The following CACHD1 variants were observed in gnomAD, a reference collection of about 807,000 sequenced individuals.
CACHD1 encodes VWFA and cache domain-containing protein 1.
Under a neutral mutation model 138.7 loss-of-function variants are expected in CACHD1, and 71 were observed. The ratio of observed to expected loss-of-function variants is 0.51; its 90% CI spans 0.42 to 0.62. The LOEUF is 0.62. CACHD1 is among the 20% of genes least tolerant of loss of function. The pLI is 0.00. For missense variants in CACHD1, 1,389 were observed against 1,625.3 expected (o/e 0.85, Z 2.50); for synonymous variants, 578 against 591.5 (o/e 0.98, Z 0.33).
intron 2 of CACHD1, among the ~76,000 whole-genome samples, chr1:64,565,994 G>C (rs543700930): frequency 1.3e-5 from 2 of 152,202 alleles, no homozygotes; most frequent in South Asian, 4.1e-4. Context: ...ACATAACTTG[G>C]CTGGTTCCCT....
intron 1 of CACHD1, among the ~76,000 whole-genome samples, chr1:64,522,456 T>C (rs896818160): frequency 1.3e-5 from 2 of 152,056 alleles, no homozygotes; most frequent in Non-Finnish European, 2.9e-5. Flanking sequence ...TACAGGCACA[T>C]GCAACCACGA....
At chr1:64,629,219 T>G in intron 4 of CACHD1, 136 bp from the exon 5 acceptor site, 1 of 952,000 alleles carries the variant, frequency 1.1e-6, no homozygotes, top group Non-Finnish European at 1.5e-6. Flanking sequence ...AAATGTTTCA[T>G]AGAAAATTTA....
chr1:64,599,735 A>G (rs1159049554), intron 3 of CACHD1, among the ~76,000 whole-genome samples: 4 of 152,184 alleles, frequency 2.6e-5, no homozygotes, highest in Non-Finnish European at 5.9e-5. Context: ...AGGAAGTAAA[A>G]CAACCTATAA....
At chr1:64,577,119 A>AT (rs1250679417) in intron 2 of CACHD1, among the ~76,000 whole-genome samples, 1 of 151,730 alleles carries the variant, frequency 6.6e-6, no homozygotes, top group Admixed American at 6.6e-5. Flanking sequence ...AATTTTTTGT[A>AT]TTTTTTGGAA....
chr1:64,536,266 T>C (rs1570343888), intron 1 of CACHD1, among the ~76,000 whole-genome samples: 1 of 152,174 alleles, frequency 6.6e-6, no homozygotes, highest in Non-Finnish European at 1.5e-5. Flanking sequence ...ATTTAAACAA[T>C]ATGCCTTCAA....
At chr1:64,500,170 T>A (rs569025075) in intron 1 of CACHD1, among the ~76,000 whole-genome samples, 2 of 152,322 alleles carry the variant, frequency 1.3e-5, no homozygotes, top group Admixed American at 1.3e-4. Flanking sequence ...GGCTGGGTAA[T>A]GACACAGGTT....
At chr1:64,483,681 CAAA>C (rs10537125) in intron 1 of CACHD1, among the ~76,000 whole-genome samples, 2,018 of 58,178 alleles carry the variant, frequency 0.035, 40 homozygotes, top group African/African-American at 0.092. Flanking sequence ...CTGTCTCTAC[CAAA>C]AAAAAAAAAA....
chr1:64,673,652 T>C (rs546530128), intron 19 of CACHD1, among the ~76,000 whole-genome samples, 188 bp downstream of exon 19: 3 of 152,260 alleles, frequency 2.0e-5, no homozygotes, highest in African/African-American at 4.8e-5. Context: ...AAGCTCAGAG[T>C]AGAAAAGTAA....
intron 2 of CACHD1, among the ~76,000 whole-genome samples, chr1:64,570,797 C>G (rs542917366): frequency 6.8e-6 from 1 of 147,998 alleles, no homozygotes; most frequent in East Asian, 2.1e-4. Flanking sequence ...TTGTTTCTAG[C>G]AAGTCTTAAT....
intron 4 of CACHD1, among the ~76,000 whole-genome samples, chr1:64,623,592 C>G (rs891686546): frequency 2.6e-5 from 4 of 152,168 alleles, no homozygotes; most frequent in African/African-American, 9.6e-5. Flanking sequence ...ATAGATCTTG[C>G]CCTCGAGGAT....
intron 2 of CACHD1, 110 bp from the exon 3 acceptor site, chr1:64,582,046 T>G (rs1372632416): frequency 6.3e-6 from 8 of 1,268,512 alleles, no homozygotes; most frequent in Non-Finnish European, 8.7e-6. Context: ...TTGTTTTACT[T>G]GAATTTTAAT....
chr1:64,634,340 A>C, intron 7 of CACHD1, 80 bp downstream of exon 7: 1 of 857,478 alleles, frequency 1.2e-6, no homozygotes, highest in Non-Finnish European at 1.9e-6. Flanking sequence ...TGATCACACA[A>C]TGATGTTTAG....
At chr1:64,543,427 T>TATATATATATATATATATATATA (rs1646693613) in intron 1 of CACHD1, among the ~76,000 whole-genome samples, 1 of 68,394 alleles carries the variant, frequency 1.5e-5, no homozygotes, top group African/African-American at 6.6e-5. Flanking sequence ...ATATATATAT[T>TATATATATATATATATATATATA]TAAATTAGCC....
chr1:64,593,793 G>T (rs1647126832), intron 3 of CACHD1, among the ~76,000 whole-genome samples: 1 of 152,136 alleles, frequency 6.6e-6, no homozygotes, highest in Admixed American at 6.5e-5. Context: ...AGAAAGCTTT[G>T]TATTTATGAA....
At chr1:64,620,865 A>C (rs142369060) in intron 4 of CACHD1, among the ~76,000 whole-genome samples, 1 of 152,128 alleles carries the variant, frequency 6.6e-6, no homozygotes, top group Admixed American at 6.6e-5. Context: ...CTACCAATGC[A>C]TTTATGGAAC....
chr1:64,546,135 G>A (rs1361491849), intron 1 of CACHD1, among the ~76,000 whole-genome samples: 1 of 152,136 alleles, frequency 6.6e-6, no homozygotes, highest in Non-Finnish European at 1.5e-5. Context: ...TTGGGGTTGT[G>A]TTCACAGTAA....
intron 1 of CACHD1, among the ~76,000 whole-genome samples, chr1:64,517,516 A>G (rs983558782): frequency 6.6e-6 from 1 of 152,200 alleles, no homozygotes. Context: ...TGAGAAAATG[A>G]TAATTGAGCA....
chr1:64,660,402 T>G (rs1297518210), intron 13 of CACHD1, among the ~76,000 whole-genome samples: 1 of 152,184 alleles, frequency 6.6e-6, no homozygotes, highest in Non-Finnish European at 1.5e-5. Flanking sequence ...GTATGGTAAG[T>G]GTGAAGTTCA....
intron 3 of CACHD1, among the ~76,000 whole-genome samples, chr1:64,593,791 TTGTATTTA>T (rs1647126809): frequency 6.6e-6 from 1 of 152,224 alleles, no homozygotes; most frequent in Middle Eastern, 3.2e-3. Flanking sequence ...ACAGAAAGCT[TTGTATTTA>T]TGAAAACTTA....
Sources: allele counts gnomAD v4.1 joint callset (sites outside exome capture counted in the v4.1 genomes callset), GRCh38; gene constraint gnomAD v4.1.1; transcripts MANE v1.5; gene names NCBI Gene and HGNC (gene_info 2026-07-23, HGNC 2026-07-21).